MAL: variants seen among roughly 807,000 people sequenced by gnomAD.
The protein encoded by MAL is myelin and lymphocyte protein.
In MAL, 5 loss-of-function variants were observed where a neutral mutation model predicts 16.7. The observed-to-expected ratio is 0.30, with a 90% CI of 0.16 to 0.63. The LOEUF is 0.63. Ranked by LOEUF, MAL falls within the 30% of genes least tolerant of loss-of-function variation. MAL has a pLI of 0.82. For missense variants in MAL, 202 were observed against 195.8 expected, an observed-to-expected ratio of 1.03 and a Z score of -0.19; for synonymous variants, 96 against 85.5, an observed-to-expected ratio of 1.12 and a Z score of -0.67.
intron 1 of MAL, among the ~76,000 whole-genome samples, chr2:95,031,157 C>T (rs1166623806): frequency 6.6e-6 from 1 of 152,214 alleles, no homozygotes; most frequent in Non-Finnish European, 1.5e-5. Context: ...CACCGGGTCT[C>T]CAGGGTCCAG....
chr2:95,037,440 G>A (rs1352753122), intron 1 of MAL, among the ~76,000 whole-genome samples: 2 of 151,302 alleles, frequency 1.3e-5, no homozygotes, highest in Non-Finnish European at 2.9e-5. Context: ...GAGTGACTGA[G>A]TGACTGAGTG....
chr2:95,049,038 C>G (rs1243953315), intron 2 of MAL, among the ~76,000 whole-genome samples: 2 of 152,112 alleles, frequency 1.3e-5, no homozygotes, highest in African/African-American at 4.8e-5. Flanking sequence ...AGGCTGGTCT[C>G]AAGTCCTGGC....
intron 1 of MAL, among the ~76,000 whole-genome samples, chr2:95,028,704 G>A (rs1254579856): frequency 6.6e-6 from 1 of 152,152 alleles, no homozygotes; most frequent in Non-Finnish European, 1.5e-5. Context: ...TCCAAACAAT[G>A]GATACTACCT....
chr2:95,032,882 A>C (rs999171439), intron 1 of MAL, among the ~76,000 whole-genome samples: 1 of 152,156 alleles, frequency 6.6e-6, no homozygotes, highest in East Asian at 1.9e-4. Context: ...CTAGTGTTCT[A>C]TGCCAGGATT....
intron 1 of MAL, among the ~76,000 whole-genome samples, chr2:95,038,640 CTGAGTGAG>C (rs1177808717): frequency 1.4e-5 from 1 of 70,090 alleles, no homozygotes; most frequent in South Asian, 4.8e-4. Flanking sequence ...GACTGAGTGA[CTGAGTGAG>C]TGAGTGACTG....
At chr2:95,044,082 C>T (rs935696451) in intron 1 of MAL, among the ~76,000 whole-genome samples, 2 of 152,148 alleles carry the variant, frequency 1.3e-5, no homozygotes, top group African/African-American at 4.8e-5. Flanking sequence ...GCAGCTGCAA[C>T]GGTAGAGATA....
chr2:95,032,187 C>T (rs937679918), intron 1 of MAL, among the ~76,000 whole-genome samples: 17 of 152,250 alleles, frequency 1.1e-4, no homozygotes, highest in Non-Finnish European at 2.4e-4. Context: ...ACACTCAGGT[C>T]GGCCAGGGAC....
chr2:95,038,192 CTGAG>C (rs759715859), intron 1 of MAL, among the ~76,000 whole-genome samples: 6 of 101,300 alleles, frequency 5.9e-5, no homozygotes, highest in Non-Finnish European at 1.2e-4. Flanking sequence ...GTGTGAGTTA[CTGAG>C]TGAGTGAGTG....
intron 1 of MAL, among the ~76,000 whole-genome samples, chr2:95,036,542 T>TC (rs1246766239): frequency 2.0e-5 from 3 of 152,344 alleles, no homozygotes; most frequent in African/African-American, 7.2e-5. Flanking sequence ...TTGAATGAGA[T>TC]CCATTTCCCT....
intron 1 of MAL, among the ~76,000 whole-genome samples, chr2:95,030,753 C>G (rs763380581): frequency 6.6e-6 from 1 of 152,204 alleles, no homozygotes; most frequent in Non-Finnish European, 1.5e-5. Flanking sequence ...CTCAGAAACA[C>G]GAACAGAAGT....
At chr2:95,042,780 A>G (rs143340247) in intron 1 of MAL, among the ~76,000 whole-genome samples, 5 of 152,286 alleles carry the variant, frequency 3.3e-5, no homozygotes, top group Non-Finnish European at 5.9e-5. Flanking sequence ...ATGAAAGGAA[A>G]TGCTTGAACC....
At chr2:95,041,006 T>G (rs1471843643) in intron 1 of MAL, among the ~76,000 whole-genome samples, 1 of 151,678 alleles carries the variant, frequency 6.6e-6, no homozygotes, top group East Asian at 1.9e-4. Flanking sequence ...TGGGAAGACC[T>G]CTTTGGTTCA....
At chr2:95,026,155 AG>A (rs1009764286) in intron 1 of MAL, among the ~76,000 whole-genome samples, 70 of 150,024 alleles carry the variant, frequency 4.7e-4, no homozygotes, top group African/African-American at 1.5e-3. Flanking sequence ...GCAGCGGGGC[AG>A]GGGGGGACGG....
chr2:95,045,466 G>A (rs1030283697), intron 1 of MAL, among the ~76,000 whole-genome samples: 2 of 152,214 alleles, frequency 1.3e-5, no homozygotes, highest in African/African-American at 4.8e-5. Flanking sequence ...CCACCAGTGA[G>A]GCAGCTGTGA....
chr2:95,046,160 C>T (rs910387545), intron 1 of MAL, among the ~76,000 whole-genome samples: 10 of 152,162 alleles, frequency 6.6e-5, no homozygotes, highest in East Asian at 3.9e-4. Flanking sequence ...GTGAAGACAG[C>T]GGTATCTCTC....
rs1391641363 is a variant in MAL at position 95,039,499 on chromosome 2, GGTGAGTGACTGA to G, written c.94-8443_94-8432del. Among the ~76,000 whole-genome samples the G allele has an allele frequency of 6.7e-5, 8 of 119,422 alleles. No individual in the cohort carries two copies. The East Asian group carries it at 1.4e-3, about 21-fold the overall frequency. The allele number at this position is 119,422 out of a possible 152,430, so 78.3% of individuals were successfully genotyped here. On this transcript the variant is annotated intron_variant, in intron 1 of 3. Transcript: ENST00000309988. ...GAGTAAGTGACTGAGTGACTGAGTG[GGTGAGTGACTGA>G]GTGAGTGACTGAGTGACTGAGTGGG...
In MAL at chr2:95,025,832, A is replaced by G. The variant is rs763237159; in HGVS notation, c.40A>G (p.Ser14Gly). The change falls in exon 1 of 4, where the codon AGT becomes GGT. Residue 14 changes from serine to glycine, a missense_variant. Coordinates refer to ENST00000309988, the MANE Select transcript of MAL (RefSeq NM_002371.4). This position sits in a 1 kb window ranked among gnomAD's most constrained non-coding sequence, Gnocchi z 5.6. ...GGCGACGGGGGGCAGCACCCTGCCC[A>G]GTGGCTTCTCGGTCTTCACCACCTT... Reference protein sequence around the residue: ...AAATGGSTLPSGFSVFTTLPD... With the variant: ...AAATGGSTLPGGFSVFTTLPD... 6.3e-7 allele frequency: 1 copy of G among 1,578,252 alleles called. No homozygotes were observed. Among genetic ancestry groups the G allele is most frequent in the Non-Finnish European group, 8.6e-7 (1 of 1,162,952 alleles).
At chr2:95,051,864 G>A (rs1283866358) in intron 3 of MAL, 1 of 152,192 alleles carries the variant, frequency 6.6e-6, no homozygotes, top group Admixed American at 6.5e-5. Flanking sequence ...CCGTCTGTGA[G>A]AGAGAAAGAA....
chr2:95,032,988 C>T (rs929533656), intron 1 of MAL, among the ~76,000 whole-genome samples: 5 of 152,210 alleles, frequency 3.3e-5, no homozygotes, highest in East Asian at 1.9e-4. Flanking sequence ...ACCTCCGCAG[C>T]GGGAAGAGAA....
Sources: allele counts gnomAD v4.1 joint callset (sites outside exome capture counted in the v4.1 genomes callset), GRCh38; gene constraint gnomAD v4.1.1; non-coding constraint Gnocchi (gnomAD v3.1); transcripts MANE v1.5; gene names NCBI Gene and HGNC (gene_info 2026-07-23, HGNC 2026-07-21).